The following BRCC3 variants were observed in gnomAD, a reference collection of about 807,000 sequenced individuals.
BRCC3 encodes the protein BRCA1/BRCA2-containing complex subunit 3, also known as lys-63-specific deubiquitinase BRCC36.
A neutral mutation model predicts 28.0 loss-of-function variants in BRCC3; 15 were observed. The ratio of observed to expected loss-of-function variants is 0.54; its 90% confidence interval spans 0.36 to 0.82. The LOEUF (loss-of-function observed/expected upper bound fraction) is 0.82, where lower values mean the gene tolerates loss of function less well. BRCC3 is among the 40% of genes least tolerant of loss of function. BRCC3 has a pLI of 0.01. For missense variants in BRCC3, 109 were observed against 225.9 expected (o/e 0.48, Z 3.32); for synonymous variants, 66 against 80.3 (o/e 0.82, Z 0.95).
At chrX:155,073,054 C>T (rs1395762058) in intron 2 of BRCC3, among the ~76,000 whole-genome samples, 8 of 111,967 alleles carry the variant, frequency 7.1e-5, no homozygotes, top group East Asian at 5.6e-4. Flanking sequence ...CAATACTTGA[C>T]GTGGTGAAAC....
At chrX:155,073,042 T>C (rs782476909) in intron 2 of BRCC3, among the ~76,000 whole-genome samples, 1 of 112,265 alleles carries the variant, frequency 8.9e-6, no homozygotes, top group African/African-American at 3.2e-5. Flanking sequence ...CCCCAGTAGC[T>C]TCAATACTTG....
At chrX:155,079,106 T>G (rs1347764727) in intron 5 of BRCC3, among the ~76,000 whole-genome samples, 1 of 112,162 alleles carries the variant, frequency 8.9e-6, no homozygotes, top group Non-Finnish European at 1.9e-5. Context: ...TAAATTGCTT[T>G]CTTTCTACCT....
chrX:155,109,892 C>A (rs782819139), intron 7 of BRCC3, among the ~76,000 whole-genome samples: 2 of 111,727 alleles, frequency 1.8e-5, no homozygotes, highest in Non-Finnish European at 3.8e-5. Flanking sequence ...CTGTAGTTAG[C>A]CTCTATCATA....
intron 6 of BRCC3, among the ~76,000 whole-genome samples, chrX:155,089,920 A>G (rs1055119552): frequency 8.9e-6 from 1 of 111,867 alleles, no homozygotes; most frequent in East Asian, 2.8e-4. Context: ...CCTGTTAGGA[A>G]GATATTGCTG....
In BRCC3 at chrX:155,103,826, C is replaced by A. The variant is rs187776901; in HGVS notation, c.549-12231C>A. 5.8e-3 allele frequency among the ~76,000 whole-genome samples: 638 copies of A among 110,261 alleles called. 1 individual carries two copies. Among genetic ancestry groups the A allele is most frequent in the Admixed American group, 0.011 (116 of 10,451 alleles). The stretch of plus-strand genomic sequence containing the variant: ...CCTCACAGTTCACTGATGCTCTGTT[C>A]ATTGTTTTTCAGTCTTTTTTTTTTC... On this transcript the variant is annotated intron_variant, in intron 7 of 10. Coordinates refer to ENST00000330045, the MANE Select transcript of BRCC3 (RefSeq NM_001018055.3).
At chrX:155,079,166 T>C (rs1025372669) in intron 5 of BRCC3, among the ~76,000 whole-genome samples, 5 of 111,791 alleles carry the variant, frequency 4.5e-5, no homozygotes, top group Non-Finnish European at 9.4e-5. Context: ...TATCTGCGTC[T>C]CCAGAAAGAA....
intron 5 of BRCC3, among the ~76,000 whole-genome samples, chrX:155,088,685 ATGT>A (rs2074153039): frequency 9.0e-6 from 1 of 111,167 alleles, no homozygotes; most frequent in Admixed American, 9.6e-5. Flanking sequence ...ATCCTTTCTA[ATGT>A]TGTTATTTGG....
intron 7 of BRCC3, among the ~76,000 whole-genome samples, chrX:155,094,119 G>T (rs1194391267): frequency 9.1e-6 from 1 of 110,333 alleles, no homozygotes; most frequent in Non-Finnish European, 1.9e-5. Context: ...GCAACAAAAA[G>T]TGAAGTGGTA....
intron 7 of BRCC3, among the ~76,000 whole-genome samples, chrX:155,109,044 C>T (rs782221425): frequency 1.8e-5 from 2 of 111,242 alleles, no homozygotes; most frequent in East Asian, 5.6e-4. Context: ...GTTGACATTC[C>T]CTTTTTCCCA....
intron 3 of BRCC3, among the ~76,000 whole-genome samples, chrX:155,075,929 C>T (rs782424085): frequency 6.2e-5 from 7 of 112,040 alleles, no homozygotes; most frequent in Non-Finnish European, 1.1e-4. Flanking sequence ...TACTTCCATT[C>T]GGCACCTGTA....
chrX:155,103,992 C>T (rs1393509800), intron 7 of BRCC3, among the ~76,000 whole-genome samples: 11 of 111,349 alleles, frequency 9.9e-5, no homozygotes, highest in African/African-American at 2.0e-4. Flanking sequence ...GACAGGGTCA[C>T]GCTCTGTCAC....
At chrX:155,096,031 A>G (rs1557296210) in intron 7 of BRCC3, among the ~76,000 whole-genome samples, 2 of 112,265 alleles carry the variant, frequency 1.8e-5, no homozygotes. Context: ...CTCAGGACGC[A>G]TCTCCATCAA....
At chrX:155,109,678 A>T in intron 7 of BRCC3, among the ~76,000 whole-genome samples, 1 of 111,556 alleles carries the variant, frequency 9.0e-6, no homozygotes, top group Middle Eastern at 4.8e-3. Flanking sequence ...TGCAGATTTT[A>T]TTTCCTTGGG....
At chrX:155,111,061 C>A (rs983456912) in intron 7 of BRCC3, among the ~76,000 whole-genome samples, 4 of 111,351 alleles carry the variant, frequency 3.6e-5, no homozygotes, top group Non-Finnish European at 7.6e-5. Flanking sequence ...CAAGATGACA[C>A]TTATGTTGGA....
chrX:155,116,007 A>G (rs782306499), intron 7 of BRCC3, 50 bp from the exon 8 acceptor site: 164 of 1,168,114 alleles, frequency 1.4e-4, no homozygotes, highest in Middle Eastern at 3.4e-4. Flanking sequence ...AGAACTTCTG[A>G]TTATAACAAC....
chrX:155,094,837 CATA>C (rs2074199458), intron 7 of BRCC3, among the ~76,000 whole-genome samples: 1 of 112,132 alleles, frequency 8.9e-6, no homozygotes, highest in African/African-American at 3.2e-5. Flanking sequence ...AGCGTGTCAA[CATA>C]ATATTCCAAA....
chrX:155,073,605 C>A (rs984786855), intron 3 of BRCC3, among the ~76,000 whole-genome samples, 174 bp downstream of exon 3: 1 of 111,541 alleles, frequency 9.0e-6, no homozygotes, highest in East Asian at 2.8e-4. Context: ...TTCTTTGTAG[C>A]AAATTGTCTC....
rs782366922 is a variant in BRCC3, at chrX:155,105,221, G to T, written c.549-10836G>T. Among the ~76,000 whole-genome samples the T allele has an allele frequency of 1.7e-4, 19 of 112,183 alleles. No homozygotes were observed. The East Asian group carries it at 5.0e-3, about 30-fold the overall frequency. On this transcript the variant is annotated intron_variant, in intron 7 of 10. Transcript: ENST00000330045. ...GTGTTAGGTGGGCACAGTGGCTCAT[G>T]TCTGTAATCCCAGCACTTTGGGAGG...
At chrX:155,085,731 C>G (rs2074118993) in intron 5 of BRCC3, among the ~76,000 whole-genome samples, 1 of 112,244 alleles carries the variant, frequency 8.9e-6, no homozygotes, top group South Asian at 3.7e-4. Flanking sequence ...TTCCATCTCC[C>G]TCTCTCAGTA....
Sources: allele counts gnomAD v4.1 joint callset (sites outside exome capture counted in the v4.1 genomes callset), GRCh38; gene constraint gnomAD v4.1.1; transcripts MANE v1.5; gene names NCBI Gene and HGNC (gene_info 2026-07-23, HGNC 2026-07-21).